Variants in RC3H2 observed in about 807,000 individuals in gnomAD.
RC3H2 encodes ring finger and CCCH-type domains 2, also known as roquin-2.
In RC3H2, 31 loss-of-function variants were observed where a neutral mutation model predicts 133.3. The ratio of observed to expected loss-of-function variants is 0.23; its 90% CI spans 0.17 to 0.31. The LOEUF (loss-of-function observed/expected upper bound fraction) is 0.31, where lower values mean the gene tolerates loss of function less well. Ranked by LOEUF, RC3H2 falls within the 10% of genes least tolerant of loss-of-function variation. The probability of loss-of-function intolerance (pLI) is 1.00; values close to 1 mark genes in which losing one functional copy is unlikely to be tolerated. For synonymous variants in RC3H2, 517 were observed against 502.2 expected (o/e 1.03, Z -0.40); for missense variants, 1,175 against 1,437.2 (o/e 0.82, Z 2.95).
At chr9:122,878,865 C>T (rs1015741916) in intron 8 of RC3H2, among the ~76,000 whole-genome samples, 1 of 151,292 alleles carries the variant, frequency 6.6e-6, no homozygotes, top group Non-Finnish European at 1.5e-5. Flanking sequence ...TCTCCTGACT[C>T]AGCCGTCTCA....
At chr9:122,893,575 A>C (rs1364668205) in intron 2 of RC3H2, among the ~76,000 whole-genome samples, 1 of 152,200 alleles carries the variant, frequency 6.6e-6, no homozygotes, top group African/African-American at 2.4e-5. Context: ...GAAGAAAAGA[A>C]GCAGAAAGTT....
rs77459166 is a variant in RC3H2 at position 122,889,636 on chromosome 9, G to C, written c.583+676C>G. ...TCATAAATAATTATCCCCTAAAAAC[G>C]ATCAAGAGTTTAAACATTTTTTTTC... On this transcript the variant is annotated intron_variant, in intron 4 of 20. Transcript: ENST00000357244. Among the ~76,000 whole-genome samples the C allele has an allele frequency of 5.1e-3, 769 of 151,926 alleles. 4 individuals are homozygous for C. Among genetic ancestry groups the C allele is most frequent in the African/African-American group, 0.018 (730 of 41,418 alleles).
chr9:122,851,438 TA>T lies in RC3H2; in HGVS notation c.3118-3del. The T allele has an allele frequency of 6.2e-7, 1 of 1,613,492 alleles. No individual in the cohort carries two copies. Among genetic ancestry groups the T allele is most frequent in the Non-Finnish European group, 8.5e-7 (1 of 1,179,672 alleles). ...ATCTTCTGTATAATCACTCTGTAAC[TA>T]AGAAAAATACTGATTTTGCTCTCCC... On this transcript the variant is annotated splice_region_variant and splice_polypyrimidine_tract_variant and intron_variant, in intron 18 of 20. Coordinates refer to ENST00000357244, the MANE Select transcript of RC3H2 (RefSeq NM_001100588.3).
At chr9:122,874,420 G>A (rs368450588) in intron 9 of RC3H2, 46 of 151,940 alleles carry the variant, frequency 3.0e-4, no homozygotes, top group Middle Eastern at 3.4e-3. Flanking sequence ...AAAACCAACT[G>A]GATTACCATG....
chr9:122,896,665 ATAAC>A (rs1258358033), intron 2 of RC3H2, among the ~76,000 whole-genome samples: 2 of 152,188 alleles, frequency 1.3e-5, no homozygotes, highest in Non-Finnish European at 2.9e-5. Flanking sequence ...ATAAAGTTCA[ATAAC>A]TATTTCATGT....
chr9:122,865,553 A>G lies in RC3H2; in HGVS notation c.1430T>C (p.Ile477Thr). The G allele has an allele frequency of 6.2e-7, 1 of 1,614,222 alleles. No homozygotes were observed. Among genetic ancestry groups the G allele is most frequent in the Non-Finnish European group, 8.5e-7 (1 of 1,180,028 alleles). Residue 477 changes from isoleucine to threonine, a missense_variant, in exon 10 of 21, where the codon ATT becomes ACT. By Grantham distance (89) the Ile-to-Thr change is moderately conservative. Around this residue, in one of 8 missense-constraint regions of RC3H2, gnomAD observed 490 missense variants for 492.8 expected, o/e 0.99. Coordinates refer to ENST00000357244, the MANE Select transcript of RC3H2 (RefSeq NM_001100588.3). ...NTVTTTAGNVISVIGSTETTG... is the reference protein window; with the variant it reads ...NTVTTTAGNVTSVIGSTETTG... ...TGTTTCAGTACTTCCTATGACAGAA[A>G]TGACATTTCCGGCTGTGGTTGTGAC...
intron 18 of RC3H2, chr9:122,853,690 T>C: frequency 1.2e-6 from 1 of 829,388 alleles, no homozygotes; most frequent in Non-Finnish European, 1.8e-6. Context: ...AGCCAGAGGC[T>C]GCAGTGAGCC....
At chr9:122,887,470 G>A (rs1421309703) in intron 4 of RC3H2, among the ~76,000 whole-genome samples, 2 of 151,702 alleles carry the variant, frequency 1.3e-5, no homozygotes, top group Non-Finnish European at 2.9e-5. Context: ...AAGCTTTTTT[G>A]CTTCCCTGCT....
Position 122,855,773 on chromosome 9 carries a change from C to T in RC3H2, c.2560G>A (p.Glu854Lys). The part of the protein sequence containing the change: ...IGSCINAIDS[E>K]PKDVIANSNA... ...GAATTAGCAATGACATCTTTGGGCT[C>T]TGAATCAATGGCATTTATACAGGAG... is the stretch of plus-strand genomic sequence containing the variant. Residue 854 changes from glutamate (E) to lysine (K), a missense_variant, in exon 14 of 21, where the codon GAG becomes AAG. By Grantham distance (56) the Glu-to-Lys change is moderately conservative (BLOSUM62 1). This residue lies in a region of RC3H2 where 138 missense variants were observed against 215.0 expected (regional missense o/e 0.64). Transcript: ENST00000357244. 5 of 1,613,226 alleles carry T rather than the reference C, an allele frequency of 3.1e-6. No individual in the cohort carries two copies. The highest frequency in any genetic ancestry group is 4.2e-6 in the Non-Finnish European group (5 of 1,179,488).
chr9:122,870,244 A>G (rs905256704), intron 9 of RC3H2, among the ~76,000 whole-genome samples: 3 of 151,890 alleles, frequency 2.0e-5, no homozygotes, highest in African/African-American at 7.3e-5. Context: ...AAGTGGTGGG[A>G]CATGCCTGTA....
At chr9:122,855,676 G>C in intron 14 of RC3H2, 56 bp downstream of exon 14, 1 of 1,544,922 alleles carries the variant, frequency 6.5e-7, no homozygotes, top group East Asian at 2.3e-5. Flanking sequence ...TCTACAACAT[G>C]AGTGAACATG....
chr9:122,899,033 A>G (rs574909880), intron 1 of RC3H2, among the ~76,000 whole-genome samples: 1 of 151,700 alleles, frequency 6.6e-6, no homozygotes, highest in Non-Finnish European at 1.5e-5. Flanking sequence ...AAAATATATA[A>G]CAGAAAGTAT....
rs1005232688 is a variant in RC3H2 at position 122,847,282 on chromosome 9, C to T, written c.*2345G>A. 2.0e-5 allele frequency: 3 copies of T among 152,162 alleles called. No homozygotes were observed. In the East Asian group the frequency reaches 5.8e-4, roughly 29 times the overall value. The allele number at this position is 152,162 out of a possible 1,614,324, so 9.4% of individuals were successfully genotyped here. On this transcript the variant is annotated 3_prime_UTR_variant, in exon 21 of 21. Transcript: ENST00000357244. Reference sequence around the variant, plus strand: ...AAAGATAAGGTTAAATACACAAGATCAATTTATGTAGTATATATTCACCCT... The same window carrying T: ...AAAGATAAGGTTAAATACACAAGATTAATTTATGTAGTATATATTCACCCT...
intron 4 of RC3H2, among the ~76,000 whole-genome samples, chr9:122,883,937 G>C (rs1472741981): frequency 2.0e-5 from 3 of 152,134 alleles, no homozygotes; most frequent in Non-Finnish European, 4.4e-5. Flanking sequence ...AAGCTGTAGT[G>C]AGCTGTGATC....
intron 4 of RC3H2, 23 bp downstream of exon 4, chr9:122,890,289 G>C (rs377050254): frequency 3.6e-5 from 58 of 1,598,622 alleles, no homozygotes; most frequent in South Asian, 1.9e-4. Context: ...TAATAAAAAA[G>C]GTAAGATAGT....
At chr9:122,891,349 G>A (rs546083128) in intron 3 of RC3H2, among the ~76,000 whole-genome samples, 1 of 152,032 alleles carries the variant, frequency 6.6e-6, no homozygotes, top group East Asian at 1.9e-4. Context: ...CTTCTCTTAT[G>A]CAGCAAATTT....
chr9:122,863,369 T>C (rs1467532146), intron 10 of RC3H2, among the ~76,000 whole-genome samples: 1 of 152,254 alleles, frequency 6.6e-6, no homozygotes, highest in Non-Finnish European at 1.5e-5. Flanking sequence ...CTCCATAATC[T>C]GGCACCAACC....
In RC3H2 at chr9:122,858,879, A is replaced by G; in HGVS notation, c.2073T>C (p.Tyr691=). 6.2e-7 allele frequency: 1 copy of G among 1,614,294 alleles called. No individual in the cohort carries two copies. The highest frequency in any genetic ancestry group is 8.5e-7 in the Non-Finnish European group (1 of 1,180,048). Residue 691 remains tyrosine, a synonymous_variant, in exon 12 of 21, where the codon TAT becomes TAC. Coordinates refer to ENST00000357244, the MANE Select transcript of RC3H2 (RefSeq NM_001100588.3). ...TGCGCCTGCTGTCGTACACAGGAGC[A>G]TACATTCCAGAAGGTACTGGAGGAA... is the stretch of plus-strand genomic sequence containing the variant. ...GPVPPVPSGM[Y]APVYDSRRIW...
rs200112699 is a variant in RC3H2 at position 122,860,434 on chromosome 9, G to T, written c.1635-303C>A. Among the ~76,000 whole-genome samples the T allele has an allele frequency of 2.4e-4, 35 of 143,768 alleles. No individual in the cohort carries two copies. The East Asian group carries it at 5.6e-3, about 23-fold the overall frequency. The allele number at this position is 143,768 out of a possible 152,430, so 94.3% of individuals were successfully genotyped here. A position where few individuals can be genotyped will look rare whatever the true frequency, so the allele number is the denominator to read the frequency against. ...TTTTTTTTTTTTTTTTTGAGACAGG[G>T]TGTCACTCTGTCACCCGGGCTGGAG... On this transcript the variant is annotated intron_variant, in intron 10 of 20. Coordinates refer to ENST00000357244, the MANE Select transcript of RC3H2 (RefSeq NM_001100588.3).
Sources: allele counts gnomAD v4.1 joint callset (sites outside exome capture counted in the v4.1 genomes callset), GRCh38; gene constraint gnomAD v4.1.1; regional missense constraint gnomAD v4.1.1; transcripts MANE v1.5; gene names NCBI Gene and HGNC (gene_info 2026-07-23, HGNC 2026-07-21).